The following SEPTIN4 variants were observed in gnomAD, a reference collection of about 807,000 sequenced individuals.
SEPTIN4 encodes septin-4.
A neutral mutation model predicts 107.1 loss-of-function variants in SEPTIN4; 52 were observed. The observed-to-expected ratio is 0.49, with a 90% CI of 0.39 to 0.61. The LOEUF (loss-of-function observed/expected upper bound fraction) is 0.61, where lower values mean the gene tolerates loss of function less well. SEPTIN4 is among the 20% of genes least tolerant of loss of function. SEPTIN4 has a pLI of 0.00. For synonymous variants in SEPTIN4, 417 were observed against 467.0 expected (o/e 0.89, Z 1.38); for missense variants, 1,048 against 1,243.5 (o/e 0.84, Z 2.36).
Position 58,526,823 on chromosome 17 carries a change from A to G in SEPTIN4, c.1770T>C (p.Tyr590=), listed in dbSNP as rs1433298220. 6.2e-7 allele frequency: 1 copy of G among 1,613,738 alleles called. No homozygotes were observed. The highest frequency in any genetic ancestry group is 2.2e-5 in the East Asian group (1 of 44,858). The change falls in exon 4 of 14, where the codon TAT becomes TAC. Residue 590 remains tyrosine (Y), a synonymous_variant. Transcript: ENST00000672673. ...GGGGTCTGAACTCCAGGTCATCATC[A>G]TAGAGGTCCGGGGCCTGGGGCCTTG... The part of the protein sequence containing the change: ...PEPRPQAPDL[Y]DDDLEFRPPS...
chr17:58,526,158 G>C, intron 5 of SEPTIN4, 62 bp downstream of exon 5: 1 of 1,500,482 alleles, frequency 6.7e-7, no homozygotes, highest in East Asian at 2.4e-5. Context: ...CCCACTCACG[G>C]ACACACACAC....
chr17:58,524,975 C>T (rs979341060), intron 7 of SEPTIN4, 103 bp downstream of exon 7: 22 of 1,497,414 alleles, frequency 1.5e-5, no homozygotes, highest in South Asian at 3.8e-5. Flanking sequence ...GGTCATAGAC[C>T]GCTTCCTCCT....
chr17:58,525,873 T>C (rs1567960183), intron 5 of SEPTIN4, 92 bp from the exon 6 acceptor site: 1 of 1,108,840 alleles, frequency 9.0e-7, no homozygotes, highest in Non-Finnish European at 1.3e-6. Context: ...GGGGGACTGC[T>C]TTCTTATCTA....
At position 58,543,125 on chromosome 17, in the gene SEPTIN4, T is replaced by A. The variant is rs138141702; in HGVS notation, c.1062A>T (p.Ser354=). 5 of 1,612,202 alleles carry A rather than the reference T, an allele frequency of 3.1e-6. No homozygotes were observed. The African/African-American group carries it at 5.3e-5, about 17-fold the overall frequency. ...ATGACTTGTGGGAGCCCTCAGACAC[T>A]GATGGAACTGTCACATGGTGAGTTG... ...VEPTHHVTVP[S]VSEGSHKSSM... Residue 354 remains serine, a synonymous_variant, in exon 1 of 14, where the codon TCA becomes TCT. Coordinates refer to ENST00000672673, the MANE Select transcript of SEPTIN4 (RefSeq NM_001368771.2).
In SEPTIN4 at chr17:58,526,813, G is replaced by A; in HGVS notation, c.1780C>T (p.Leu594=). The change falls in exon 4 of 14, where the codon CTG becomes TTG. Residue 594 remains leucine, a synonymous_variant. Transcript: ENST00000672673. The part of the protein sequence containing the change: ...PQAPDLYDDD[L]EFRPPSRPQS... ...GGCCGCGAGGGGGGTCTGAACTCCA[G>A]GTCATCATCATAGAGGTCCGGGGCC... 1.2e-6 allele frequency: 2 copies of A among 1,613,834 alleles called. No homozygotes were observed. The highest frequency in any genetic ancestry group is 1.7e-6 in the Non-Finnish European group (2 of 1,179,918).
intron 6 of SEPTIN4, 110 bp from the exon 7 acceptor site, chr17:58,525,311 C>A: frequency 7.6e-7 from 1 of 1,310,660 alleles, no homozygotes; most frequent in Non-Finnish European, 1.1e-6. Context: ...CCACACTGCC[C>A]CCTTCTCCAC....
In SEPTIN4 at chr17:58,542,677, G is replaced by C. The variant is rs745420857; in HGVS notation, c.1510C>G (p.Pro504Ala). The change falls in exon 1 of 14, where the codon CCC (proline) becomes GCC (alanine). Residue 504 changes from proline (P) to alanine (A), a missense_variant. Pro to Ala is a conservative substitution (Grantham distance 27). Around this residue, in one of 2 missense-constraint regions of SEPTIN4, gnomAD observed 787 missense variants for 871.8 expected, o/e 0.90. Transcript: ENST00000672673. ...ATGGGTTGTTTGCAGGTGTGCTTGG[G>C]GGTCTGTGGCACTTCACTCAGTGGT... Reference protein sequence around the residue: ...WAPLSEVPQTPKHTCKQPIQR... With the variant: ...WAPLSEVPQTAKHTCKQPIQR... The C allele has an allele frequency of 1.9e-6, 3 of 1,614,150 alleles. No homozygotes were observed. In the Admixed American group the frequency reaches 5.0e-5, roughly 27 times the overall value.
At position 58,525,782 on chromosome 17, in the gene SEPTIN4, C is replaced by T. The variant is rs1353436217; in HGVS notation, c.2006-1G>A. On this transcript the variant is annotated splice_acceptor_variant, in intron 5 of 13. Coordinates refer to ENST00000672673, the MANE Select transcript of SEPTIN4 (RefSeq NM_001368771.2). LOFTEE classifies it high-confidence loss of function. The stretch of plus-strand genomic sequence containing the variant: ...GTGGATTTGCCCAGGCCAGACTCTC[C>T]TGAGAGGAGAGAGGACAGAGGCACC... 11 of 1,613,472 alleles carry T rather than the reference C, an allele frequency of 6.8e-6. No homozygotes were observed. The highest frequency in any genetic ancestry group is 8.5e-6 in the Non-Finnish European group (10 of 1,179,402).
Position 58,522,048 on chromosome 17 carries a change from T to C in SEPTIN4, c.2270A>G (p.Asp757Gly). 6.2e-7 allele frequency: 1 copy of C among 1,614,174 alleles called. No individual in the cohort carries two copies. The highest frequency in any genetic ancestry group is 1.1e-5 in the South Asian group (1 of 91,082). The change falls in exon 8 of 14, where the codon GAC (aspartate) becomes GGC (glycine). Residue 757 changes from aspartate to glycine, a missense_variant. Physicochemically the swap from Asp to Gly is moderately conservative, Grantham distance 94. Coordinates refer to ENST00000672673, the MANE Select transcript of SEPTIN4 (RefSeq NM_001368771.2). The part of the protein sequence containing the change: ...IDQQFEQYFR[D>G]ESGLNRKNIQ... Reference sequence around the variant, plus strand: ...GTTCTTTCGGTTCAGGCCACTCTCGTCTCGGAAATACTGCTCAAACTGCTG... The same window carrying C: ...GTTCTTTCGGTTCAGGCCACTCTCGCCTCGGAAATACTGCTCAAACTGCTG...
At chr17:58,526,444 C>T (rs1410499495) in intron 4 of SEPTIN4, 131 bp from the exon 5 acceptor site, 1 of 1,383,792 alleles carries the variant, frequency 7.2e-7, no homozygotes, top group African/African-American at 1.5e-5. Context: ...CTGTGAGTTC[C>T]CATCTGAGGC....
Position 58,520,380 on chromosome 17 carries a change from A to G in SEPTIN4, c.*46T>C, listed in dbSNP as rs539706171. ...CTGGTGCTGGGAGGGGCCGGCATGGACAGGAAGAAGAGGAGGAGATTTAAA... is the reference window on the plus strand; with the variant it reads ...CTGGTGCTGGGAGGGGCCGGCATGGGCAGGAAGAAGAGGAGGAGATTTAAA... On this transcript the variant is annotated 3_prime_UTR_variant, in exon 14 of 14. Transcript: ENST00000672673. 6.3e-7 allele frequency: 1 copy of G among 1,591,342 alleles called. No individual in the cohort carries two copies. The highest frequency in any genetic ancestry group is 8.6e-7 in the Non-Finnish European group (1 of 1,163,370).
intron 3 of SEPTIN4, chr17:58,529,003 C>G: frequency 7.6e-7 from 1 of 1,315,162 alleles, no homozygotes; most frequent in South Asian, 1.2e-5. Flanking sequence ...CTGTCCATCC[C>G]CACTCCCAGC....
rs1413866754 is a variant in SEPTIN4, at chr17:58,538,016, C to A, written c.1614+2650G>T. On this transcript the variant is annotated intron_variant, in intron 3 of 13. Transcript: ENST00000672673. This position sits in a 1 kb window ranked among gnomAD's most constrained non-coding sequence, Gnocchi z 4.7. ...GGCTGAGGCAGAAGGATCACTTGAG[C>A]CCAGGAATTCGAGATTACAGTGAGC... Among the ~76,000 whole-genome samples the A allele has an allele frequency of 1.3e-5, 2 of 152,078 alleles. No homozygotes were observed. Among genetic ancestry groups the A allele is most frequent in the Non-Finnish European group, 2.9e-5 (2 of 68,022 alleles).
At position 58,521,664 on chromosome 17, in the gene SEPTIN4, G is replaced by T. The variant is rs745670284; in HGVS notation, c.2470-18C>A. ...TCCCGGATCTGACAAACAGATGAGG[G>T]GCCCACAGTTCTGGGGACCACATCC... is the stretch of plus-strand genomic sequence containing the variant. On this transcript the variant is annotated intron_variant, in intron 9 of 13. Coordinates refer to ENST00000672673, the MANE Select transcript of SEPTIN4 (RefSeq NM_001368771.2). This position sits in a 1 kb window ranked among gnomAD's most constrained non-coding sequence, Gnocchi z 6.4. 1 of 1,614,152 alleles carries T rather than the reference G, an allele frequency of 6.2e-7. No homozygotes were observed. The highest frequency in any genetic ancestry group is 8.5e-7 in the Non-Finnish European group (1 of 1,180,016).
rs2042806037 is a variant in SEPTIN4 at position 58,525,898 on chromosome 17, A to G, written c.2006-117T>C. On this transcript the variant is annotated intron_variant, in intron 5 of 13. Transcript: ENST00000672673. ...TTTCTTATCTAATTGGAACTAGACT[A>G]ACCAAACTATAGCATTTTAGAGCTG... The G allele has an allele frequency of 8.4e-6, 8 of 949,810 alleles. No individual in the cohort carries two copies. The Admixed American group carries it at 1.9e-4, about 22-fold the overall frequency. 58.8% of individuals were successfully genotyped at this position (949,810 alleles called of 1,614,324 possible). A position where few individuals can be genotyped will look rare whatever the true frequency, so the allele number is the denominator to read the frequency against.
chr17:58,528,556 C>G (rs1428233132), intron 3 of SEPTIN4: 2 of 158,850 alleles, frequency 1.3e-5, no homozygotes, highest in African/African-American at 4.8e-5. Context: ...GCCTGCTGTC[C>G]TGGCATCATG....
In SEPTIN4 at chr17:58,525,722, G is replaced by C; in HGVS notation, c.2065C>G (p.Arg689Gly). 2 of 1,614,072 alleles carry C rather than the reference G, an allele frequency of 1.2e-6. No homozygotes were observed. Among genetic ancestry groups the C allele is most frequent in the South Asian group, 1.1e-5 (1 of 91,072 alleles). The change falls in exon 6 of 14, where the codon CGG (arginine) becomes GGG (glycine). Residue 689 changes from arginine (R) to glycine (G), a missense_variant. This residue lies in a region of SEPTIN4 where 787 missense variants were observed against 871.8 expected (regional missense o/e 0.90). Transcript: ENST00000672673. Reference sequence around the variant, plus strand: ...TCAGCACCAAGAAGTTTCCGGTCCCGGTACAGATCAGTGAGGAAGAGGCTA... The same window carrying C: ...TCAGCACCAAGAAGTTTCCGGTCCCCGTACAGATCAGTGAGGAAGAGGCTA... ...VNSLFLTDLY[R>G]DRKLLGAEER...
Position 58,526,905 on chromosome 17 carries a change from G to A in SEPTIN4, c.1688C>T (p.Ala563Val), listed in dbSNP as rs1369111926. 3.7e-6 allele frequency: 6 copies of A among 1,614,126 alleles called. No individual in the cohort carries two copies. Among genetic ancestry groups the A allele is most frequent in the African/African-American group, 2.7e-5 (2 of 75,044 alleles). Residue 563 changes from alanine (A) to valine (V), a missense_variant, in exon 4 of 14, where the codon GCG becomes GTG. This residue lies in a region of SEPTIN4 where 787 missense variants were observed against 871.8 expected (regional missense o/e 0.90). Transcript: ENST00000672673. ...SKFVKDFSGN[A>V]SCHPPEAKTW... ...CTTAGCCTCTGGTGGGTGGCAGCTC[G>A]CATTTCCTGAGAAATCCTTCACGAA...
Position 58,543,155 on chromosome 17 carries a change from T to C in SEPTIN4, c.1032A>G (p.Val344=). The part of the protein sequence containing the change: ...RVTISPGVQS[V]EPTHHVTVPS... ...GAACTGTCACATGGTGAGTTGGCTC[T>C]ACTGACTGTACCCCTGGGGAGATGG... The change falls in exon 1 of 14, where the codon GTA becomes GTG. Residue 344 remains valine (V), a synonymous_variant. Transcript: ENST00000672673. 8.1e-6 allele frequency: 13 copies of C among 1,613,342 alleles called. No homozygotes were observed. Among genetic ancestry groups the C allele is most frequent in the Non-Finnish European group, 1.1e-5 (13 of 1,179,438 alleles).
Sources: allele counts gnomAD v4.1 joint callset (sites outside exome capture counted in the v4.1 genomes callset), GRCh38; gene constraint gnomAD v4.1.1; regional missense constraint gnomAD v4.1.1; non-coding constraint Gnocchi (gnomAD v3.1); transcripts MANE v1.5; gene names NCBI Gene and HGNC (gene_info 2026-07-23, HGNC 2026-07-21).